Variants in CACNA1A observed in about 807,000 individuals in gnomAD.
CACNA1A encodes calcium voltage-gated channel subunit alpha1 A.
A neutral mutation model predicts 262.4 loss-of-function variants in CACNA1A; 57 were observed. The observed-to-expected ratio is 0.22, with a 90% CI of 0.18 to 0.27. CACNA1A has a LOEUF of 0.27. Among genes scored for constraint, CACNA1A ranks in the 10% least tolerant of loss-of-function variants. The pLI, the probability that CACNA1A is intolerant of heterozygous loss-of-function variation, is 1.00. For synonymous variants in CACNA1A, 1,431 were observed against 1,419.3 expected (o/e 1.01, Z -0.18); for missense variants, 2,526 against 3,562.8 (o/e 0.71, Z 7.41).
intron 31 of CACNA1A, among the ~76,000 whole-genome samples, chr19:13,240,538 AGTG>A (rs1268944078): frequency 2.8e-5 from 4 of 144,830 alleles, no homozygotes; most frequent in South Asian, 2.2e-4. Flanking sequence ...GTGTGTGCAT[AGTG>A]GTGTGTGCAG....
At position 13,231,812 on chromosome 19, in the gene CACNA1A, G is replaced by A. The variant is rs767315464; in HGVS notation, c.5298C>T (p.Ser1766=). ...AWHNIMLSCL[S]GKPCDKNSGI... ...CAGAGTTCTTATCACACGGTTTCCC[G>A]CTGAGGCAGGAAAGCATGATGTTGT... The change falls in exon 35 of 47, where the codon AGC becomes AGT. Residue 1766 remains serine (S), a synonymous_variant. Coordinates refer to ENST00000360228, the MANE Select transcript of CACNA1A (RefSeq NM_001127222.2). The A allele has an allele frequency of 4.3e-6, 7 of 1,613,666 alleles. No individual in the cohort carries two copies. In the Admixed American group the frequency reaches 5.0e-5, roughly 12 times the overall value.
Position 13,207,215 on chromosome 19 carries a change from C to T in CACNA1A, c.*98G>A. ...GTCTCCCGGCTGGCCCTCTCCCGGG[C>T]CCTCTGTGCTGGGCCCCCGCGGCCT... On this transcript the variant is annotated 3_prime_UTR_variant, in exon 47 of 47. Coordinates refer to ENST00000360228, the MANE Select transcript of CACNA1A (RefSeq NM_001127222.2). The surrounding 1 kb of genome is among the most constrained non-coding windows in gnomAD (Gnocchi z 5.7). 7.7e-7 allele frequency: 1 copy of T among 1,292,118 alleles called. No individual in the cohort carries two copies. Among genetic ancestry groups the T allele is most frequent in the Non-Finnish European group, 1.0e-6 (1 of 992,712 alleles). The allele number at this position is 1,292,118 out of a possible 1,614,324, so 80.0% of individuals were successfully genotyped here. A position where few individuals can be genotyped will look rare whatever the true frequency, so the allele number is the denominator to read the frequency against.
At chr19:13,263,392 C>T (rs1482887327) in intron 24 of CACNA1A, 1 of 155,322 alleles carries the variant, frequency 6.4e-6, no homozygotes, top group East Asian at 1.9e-4. Flanking sequence ...TGGTTTCAAA[C>T]TCCTGAGCTC....
chr19:13,378,514 A>G (rs1197591542), intron 3 of CACNA1A, among the ~76,000 whole-genome samples: 2 of 152,132 alleles, frequency 1.3e-5, no homozygotes, highest in African/African-American at 4.8e-5. Flanking sequence ...AAAATGTCAC[A>G]GGCACCCCAA....
rs756011018 is a variant in CACNA1A at position 13,466,015 on chromosome 19, GAGA to G, written c.294-10806_294-10804del. ...GGCTGGAGGAAGGTGGTGGGGAGGG[GAGA>G]AGGAGAGAGACTGCTTAATGGGTAC... On this transcript the variant is annotated intron_variant, in intron 1 of 46. Coordinates refer to ENST00000360228, the MANE Select transcript of CACNA1A (RefSeq NM_001127222.2). Among the ~76,000 whole-genome samples the G allele has an allele frequency of 5.3e-5, 8 of 151,642 alleles. 1 individual carries two copies. The highest frequency in any genetic ancestry group is 6.6e-5 in the Admixed American group (1 of 15,256).
chr19:13,349,509 C>T (rs2058865716), intron 6 of CACNA1A, among the ~76,000 whole-genome samples: 1 of 152,170 alleles, frequency 6.6e-6, no homozygotes, highest in African/African-American at 2.4e-5. Flanking sequence ...GTGAGGGGGT[C>T]CCTGTGAAAT....
intron 3 of CACNA1A, among the ~76,000 whole-genome samples, chr19:13,424,103 C>T (rs1342381609): frequency 6.6e-6 from 1 of 152,136 alleles, no homozygotes; most frequent in East Asian, 1.9e-4. Context: ...AATCTCAGCA[C>T]TTTGGGAGGC....
chr19:13,499,954 G>T (rs555156421), intron 1 of CACNA1A, among the ~76,000 whole-genome samples: 2 of 152,052 alleles, frequency 1.3e-5, no homozygotes, highest in African/African-American at 2.4e-5. Flanking sequence ...TTGCTACTGG[G>T]GGGGAAACAG....
At chr19:13,278,560 C>A (rs1231960611) in intron 22 of CACNA1A, among the ~76,000 whole-genome samples, 2 of 152,144 alleles carry the variant, frequency 1.3e-5, no homozygotes, top group Non-Finnish European at 2.9e-5. Context: ...GCCCACCACA[C>A]CCCCGGCCAC....
At chr19:13,320,473 C>A (rs193179883) in intron 10 of CACNA1A, among the ~76,000 whole-genome samples, 2 of 152,292 alleles carry the variant, frequency 1.3e-5, no homozygotes, top group South Asian at 4.1e-4. Context: ...TGGTACCTTA[C>A]GATTATTGGA....
chr19:13,432,698 T>C (rs1196571558), intron 3 of CACNA1A, among the ~76,000 whole-genome samples: 1 of 151,044 alleles, frequency 6.6e-6, no homozygotes, highest in African/African-American at 2.5e-5. Context: ...AGGTATTGTA[T>C]ATTTCAAAAT....
intron 37 of CACNA1A, chr19:13,226,225 A>T (rs1430932738): frequency 8.1e-6 from 1 of 124,194 alleles, no homozygotes; most frequent in Non-Finnish European, 1.6e-5. Flanking sequence ...ATCTAAGCAG[A>T]GACTGAGAGA....
At chr19:13,346,616 T>TTATATATATA (rs74181778) in intron 6 of CACNA1A, among the ~76,000 whole-genome samples, 1 of 50,382 alleles carries the variant, frequency 2.0e-5, no homozygotes, top group Non-Finnish European at 3.3e-5. Flanking sequence ...TTTTAATTGA[T>TTATATATATA]TATATATATA....
In CACNA1A at chr19:13,334,421, A is replaced by T; in HGVS notation, c.1155T>A (p.Ile385=). Residue 385 remains isoleucine, a synonymous_variant, in exon 8 of 47, where the codon ATT becomes ATA. Transcript: ENST00000360228. ...AFLKLRRQQQ[I]ERELNGYMEW... is the part of the protein sequence containing the mutation. ...CCATGTACCCATTGAGCTCACGTTCAATCTGTTGTTGCCGCCTCAGCTTCA... is the reference window on the plus strand; with the variant it reads ...CCATGTACCCATTGAGCTCACGTTCTATCTGTTGTTGCCGCCTCAGCTTCA... The T allele has an allele frequency of 6.2e-7, 1 of 1,612,430 alleles. No homozygotes were observed. Among genetic ancestry groups the T allele is most frequent in the Non-Finnish European group, 8.5e-7 (1 of 1,178,530 alleles).
intron 3 of CACNA1A, among the ~76,000 whole-genome samples, chr19:13,434,504 G>T (rs2060576465): frequency 6.6e-6 from 1 of 152,158 alleles, no homozygotes; most frequent in African/African-American, 2.4e-5. Flanking sequence ...ATTGGATCAT[G>T]GGGGCAGATT....
intron 25 of CACNA1A, 188 bp downstream of exon 25, chr19:13,262,546 T>C (rs1248728326): frequency 6.9e-6 from 4 of 582,468 alleles, no homozygotes; most frequent in Admixed American, 2.9e-5. Flanking sequence ...ACACAGATTA[T>C]TTTAGGTCAG....
intron 12 of CACNA1A, 82 bp downstream of exon 12, chr19:13,312,587 C>G (rs373263692): frequency 2.5e-5 from 20 of 801,584 alleles, no homozygotes; most frequent in East Asian, 1.4e-4. Flanking sequence ...GTGACTTTAC[C>G]TTTCTCCCTT....
In CACNA1A at chr19:13,406,464, A is replaced by ATT. The variant is rs1187793869; in HGVS notation, c.540-34687_540-34686dup. On this transcript the variant is annotated intron_variant, in intron 3 of 46. Coordinates refer to ENST00000360228, the MANE Select transcript of CACNA1A (RefSeq NM_001127222.2). ...AGGGAGACTCTGTCTCAAAAAAAAA[A>ATT]TTATATATATATATATATATATATA... 2.4e-3 allele frequency among the ~76,000 whole-genome samples: 143 copies of ATT among 59,252 alleles called. 5 individuals are homozygous for ATT. Among genetic ancestry groups the ATT allele is most frequent in the South Asian group, 7.5e-3 (12 of 1,602 alleles). The allele number at this position is 59,252 out of a possible 152,430, so 38.9% of individuals were successfully genotyped here. A position where few individuals can be genotyped will look rare whatever the true frequency, so the allele number is the denominator to read the frequency against.
intron 46 of CACNA1A, 51 bp from the exon 47 acceptor site, chr19:13,208,104 C>G: frequency 8.7e-7 from 1 of 1,155,956 alleles, no homozygotes; most frequent in Non-Finnish European, 1.1e-6. Context: ...ACAACAAAAT[C>G]AAAGGAGACA....
Sources: allele counts gnomAD v4.1 joint callset (sites outside exome capture counted in the v4.1 genomes callset), GRCh38; gene constraint gnomAD v4.1.1; non-coding constraint Gnocchi (gnomAD v3.1); transcripts MANE v1.5; gene names NCBI Gene and HGNC (gene_info 2026-07-23, HGNC 2026-07-21).